Variants in ZNF37A observed in about 807,000 individuals in gnomAD.
The protein encoded by ZNF37A is zinc finger protein 37a (KOX 21).
A neutral mutation model predicts 12.3 loss-of-function variants in ZNF37A; 10 were observed. The observed-to-expected ratio is 0.82, with a 90% CI of 0.50 to 1.38. The LOEUF (loss-of-function observed/expected upper bound fraction) is 1.38, where lower values mean the gene tolerates loss of function less well. ZNF37A is among the 40% of genes most tolerant of loss of function. The pLI is 0.00. For synonymous variants in ZNF37A, 207 were observed against 223.0 expected (o/e 0.93, Z 0.64); for missense variants, 580 against 651.2 (o/e 0.89, Z 1.19).
At chr10:38,135,186 A>AC (rs1046361466) in intron 7 of ZNF37A, among the ~76,000 whole-genome samples, 1 of 152,208 alleles carries the variant, frequency 6.6e-6, no homozygotes, top group African/African-American at 2.4e-5. Context: ...AGAGATTGAG[A>AC]CCATCTTGGC....
downstream of ZNF37A, among the ~76,000 whole-genome samples, chr10:38,127,953 T>C (rs1367547045): frequency 2.0e-5 from 3 of 152,188 alleles, no homozygotes; most frequent in African/African-American, 7.2e-5. Context: ...GGTATAATTC[T>C]AGTGGGCAGA....
intron 7 of ZNF37A, among the ~76,000 whole-genome samples, chr10:38,137,043 G>T (rs1391266562): frequency 1.3e-5 from 2 of 151,858 alleles, no homozygotes; most frequent in African/African-American, 4.8e-5. Flanking sequence ...TCATTTTCCT[G>T]TTTCGTCCAT....
intron 5 of ZNF37A, among the ~76,000 whole-genome samples, chr10:38,105,093 C>T (rs1423370398): frequency 1.3e-5 from 2 of 151,648 alleles, no homozygotes; most frequent in Non-Finnish European, 2.9e-5. Flanking sequence ...GCAACCTCCG[C>T]CTTCTGGGTT....
chr10:38,117,959 C>T lies in ZNF37A; in HGVS notation c.808C>T (p.Pro270Ser). The T allele has an allele frequency of 6.2e-7, 1 of 1,613,880 alleles. No homozygotes were observed. The highest frequency in any genetic ancestry group is 1.3e-5 in the African/African-American group (1 of 75,020). Residue 270 changes from proline to serine, a missense_variant, in exon 8 of 8, where the codon CCT becomes TCT. Physicochemically the swap from Pro to Ser is moderately conservative, Grantham distance 74. Transcript: ENST00000685332. Reference sequence around the variant, plus strand: ...ACAGAGAACACATACAGGAGAAAAACCTTATGAATGTCATGAATGTGGAAA... The same window carrying T: ...ACAGAGAACACATACAGGAGAAAAATCTTATGAATGTCATGAATGTGGAAA... ...LQQRTHTGEKPYECHECGKTF... is the reference protein window; with the variant it reads ...LQQRTHTGEKSYECHECGKTF...
chr10:38,146,437 AT>A (rs2070255831), intron 7 of ZNF37A, among the ~76,000 whole-genome samples: 1 of 152,184 alleles, frequency 6.6e-6, no homozygotes, highest in Non-Finnish European at 1.5e-5. Flanking sequence ...TTATGAGGCC[AT>A]TGATAAACAG....
At chr10:38,137,556 A>G (rs945560974) in intron 7 of ZNF37A, 3 of 152,224 alleles carry the variant, frequency 2.0e-5, no homozygotes, top group Non-Finnish European at 2.9e-5. Flanking sequence ...GAAGCACTCC[A>G]TAATTAGAAC....
At chr10:38,149,211 G>A (rs1204434078) in exon 8 of ZNF37A, 1 of 152,138 alleles carries the variant, frequency 6.6e-6, no homozygotes, top group Non-Finnish European at 1.5e-5. Context: ...TCAATAGGAT[G>A]CAACTGCTAT....
intron 7 of ZNF37A, among the ~76,000 whole-genome samples, chr10:38,115,919 C>T (rs2069237986): frequency 2.0e-5 from 3 of 151,788 alleles, no homozygotes; most frequent in Admixed American, 2.0e-4. Context: ...CATGGTGGCA[C>T]ACACCTGTGG....
At chr10:38,136,634 G>C (rs1409943474) in intron 7 of ZNF37A, among the ~76,000 whole-genome samples, 1 of 152,118 alleles carries the variant, frequency 6.6e-6, no homozygotes, top group Non-Finnish European at 1.5e-5. Context: ...GAGTATTATT[G>C]AGTTTATCCT....
chr10:38,149,026 CG>C (rs2070292576), exon 8 of ZNF37A: 1 of 151,726 alleles, frequency 6.6e-6, no homozygotes, highest in South Asian at 2.1e-4. Flanking sequence ...TTAGTAGAGA[CG>C]GGGTTTCACC....
At chr10:38,133,202 A>C (rs1444606074) in intron 7 of ZNF37A, among the ~76,000 whole-genome samples, 1 of 152,146 alleles carries the variant, frequency 6.6e-6, no homozygotes, top group Non-Finnish European at 1.5e-5. Flanking sequence ...TTGTTGCATC[A>C]TGTTTTTTAA....
chr10:38,149,933 C>A (rs537240409), exon 8 of ZNF37A: 1 of 152,132 alleles, frequency 6.6e-6, no homozygotes, highest in Non-Finnish European at 1.5e-5. Context: ...GTAAGTTCCA[C>A]GGGGATAGAA....
At chr10:38,099,973 C>T (rs1055446699) in intron 5 of ZNF37A, among the ~76,000 whole-genome samples, 8 of 152,144 alleles carry the variant, frequency 5.3e-5, no homozygotes, top group African/African-American at 1.9e-4. Context: ...AGGTTCTTTT[C>T]TATTTTCCCT....
At chr10:38,130,911 G>T (rs760204793) in intron 7 of ZNF37A, among the ~76,000 whole-genome samples, 1 of 152,100 alleles carries the variant, frequency 6.6e-6, no homozygotes, top group African/African-American at 2.4e-5. Flanking sequence ...GTAGAAAGGG[G>T]TATCTAATTG....
rs1313971704 is a variant in ZNF37A, at chr10:38,117,375, C to A, written c.239-15C>A. The A allele has an allele frequency of 3.9e-6, 6 of 1,539,662 alleles. No individual in the cohort carries two copies. Among genetic ancestry groups the A allele is most frequent in the South Asian group, 1.3e-5 (1 of 76,708 alleles). On this transcript the variant is annotated splice_polypyrimidine_tract_variant and intron_variant, in intron 7 of 7. Coordinates refer to ENST00000685332, the MANE Select transcript of ZNF37A (RefSeq NM_001324250.3). ...ATCCTCGTCAACTAACCTTTCTTTTCACTCTGTATTTCAGAATTAATTAAT... is the reference window on the plus strand; with the variant it reads ...ATCCTCGTCAACTAACCTTTCTTTTAACTCTGTATTTCAGAATTAATTAAT...
At chr10:38,104,276 T>C (rs1367087768) in intron 5 of ZNF37A, among the ~76,000 whole-genome samples, 1 of 152,166 alleles carries the variant, frequency 6.6e-6, no homozygotes, top group Non-Finnish European at 1.5e-5. Context: ...AAGACAAGCC[T>C]GTGAGCCACT....
intron 7 of ZNF37A, chr10:38,139,312 T>C (rs1383963163): frequency 6.6e-6 from 1 of 152,066 alleles, no homozygotes; most frequent in African/African-American, 2.4e-5. Flanking sequence ...GCAACTAAAA[T>C]CATCTGATTA....
chr10:38,111,914 C>CTT (rs35729359), intron 5 of ZNF37A, among the ~76,000 whole-genome samples: 58,040 of 142,748 alleles, frequency 0.41, 11,937 homozygotes, highest in East Asian at 0.48. Flanking sequence ...TGCTGATGAT[C>CTT]TTTTTTTTTT....
chr10:38,118,198 C>G lies in ZNF37A; in HGVS notation c.1047C>G (p.His349Gln). Residue 349 changes from histidine (H) to glutamine (Q), a missense_variant, in exon 8 of 8, where the codon CAC (histidine) becomes CAG (glutamine). His to Gln is a conservative substitution (Grantham distance 24, BLOSUM62 0). Coordinates refer to ENST00000685332, the MANE Select transcript of ZNF37A (RefSeq NM_001324250.3). ...CCCTTACTCAACATCAAAGAACGCA[C>G]ACAGGGGAGAAACCATATGAATGTC... The part of the protein sequence containing the change: ...KSTLTQHQRT[H>Q]TGEKPYECHE... 1.9e-6 allele frequency: 3 copies of G among 1,613,992 alleles called. No homozygotes were observed. Among genetic ancestry groups the G allele is most frequent in the Non-Finnish European group, 2.5e-6 (3 of 1,179,956 alleles).
Sources: gnomAD v4.1 joint callset for allele counts (sites outside exome capture counted in the v4.1 genomes callset) on GRCh38, gnomAD v4.1.1 for gene constraint, MANE v1.5 for transcripts, NCBI Gene and HGNC (gene_info 2026-07-23, HGNC 2026-07-21) for gene names.